Variants in KRTCAP3 observed in about 807,000 individuals in gnomAD.
The protein encoded by KRTCAP3 is keratinocyte associated protein 3.
In KRTCAP3, 18 loss-of-function variants were observed where a neutral mutation model predicts 20.5. The ratio of observed to expected loss-of-function variants is 0.88; its 90% CI spans 0.61 to 1.31. The LOEUF (loss-of-function observed/expected upper bound fraction) is 1.31. KRTCAP3 is among the 50% of genes most tolerant of loss of function. The pLI, the probability that KRTCAP3 is intolerant of heterozygous loss-of-function variation, is 0.00. For synonymous variants in KRTCAP3, 167 were observed against 133.7 expected, an observed-to-expected ratio of 1.25 and a Z score of -1.72; for missense variants, 347 against 310.4, an observed-to-expected ratio of 1.12 and a Z score of -0.89.
At position 27,442,444 on chromosome 2, in the gene KRTCAP3, A is replaced by G; in HGVS notation, c.28+4A>G. Reference sequence around the variant, plus strand: ...CGCTGCAGTCTCTGCGCTTTCGGTAACTTCCGGGCCCTGGCGTCTCGTCTC... The same window carrying G: ...CGCTGCAGTCTCTGCGCTTTCGGTAGCTTCCGGGCCCTGGCGTCTCGTCTC... On this transcript the variant is annotated splice_donor_region_variant and intron_variant, in intron 1 of 6. Transcript: ENST00000288873. The G allele has an allele frequency of 6.4e-7, 1 of 1,569,862 alleles. No individual in the cohort carries two copies. The highest frequency in any genetic ancestry group is 8.6e-7 in the Non-Finnish European group (1 of 1,158,204).
downstream of KRTCAP3, chr2:27,446,308 C>A (rs1474681289): frequency 3.7e-6 from 6 of 1,614,244 alleles, no homozygotes; most frequent in Non-Finnish European, 5.1e-6. Flanking sequence ...CAGGTAGTAG[C>A]TGGGTGTGAC....
chr2:27,442,544 C>T (rs1664667103), intron 1 of KRTCAP3, 35 bp from the exon 2 acceptor site: 1 of 1,532,418 alleles, frequency 6.5e-7, no homozygotes, highest in Admixed American at 2.1e-5. Flanking sequence ...CCCCTCCCCG[C>T]CCGACTCAAC....
downstream of KRTCAP3, chr2:27,445,342 T>C (rs759639938): frequency 1.2e-6 from 2 of 1,613,288 alleles, no homozygotes; most frequent in South Asian, 2.2e-5. The surrounding 1 kb of genome is among the most constrained non-coding windows in gnomAD (Gnocchi z 4.4). Flanking sequence ...TCGCTGCCAC[T>C]AGGGAGGCCT....
chr2:27,445,625 T>G, downstream of KRTCAP3: 1 of 1,374,538 alleles, frequency 7.3e-7, no homozygotes, highest in Non-Finnish European at 1.0e-6. This position sits in a 1 kb window ranked among gnomAD's most constrained non-coding sequence, Gnocchi z 4.4. Flanking sequence ...TTGCTTCTAC[T>G]TTCACTGAAA....
chr2:27,443,088 G>A lies in KRTCAP3; in HGVS notation c.288G>A (p.Leu96=). 1 of 1,613,804 alleles carries A rather than the reference G, an allele frequency of 6.2e-7. No homozygotes were observed. Among genetic ancestry groups the A allele is most frequent in the Non-Finnish European group, 8.5e-7 (1 of 1,179,996 alleles). Residue 96 remains leucine, a synonymous_variant, in exon 4 of 7, where the codon CTG becomes CTA. Coordinates refer to ENST00000288873, the MANE Select transcript of KRTCAP3 (RefSeq NM_173853.4). ...GTCCCTGCCAGCACTGGGTCCTGCT[G>A]GCACTAGCTCTGGTGAACCTGCTCT... ...LLRPPLHWVL[L]ALALVNLLLS...
chr2:27,443,855 AAC>A lies in KRTCAP3; in HGVS notation c.616-92_616-91del, dbSNP rs1439079824. 7.2e-5 allele frequency: 56 copies of A among 783,184 alleles called. No individual in the cohort carries two copies. The East Asian group carries it at 1.2e-3, about 17-fold the overall frequency. The allele number at this position is 783,184 out of a possible 1,614,324, so 48.5% of individuals were successfully genotyped here. ...CACGCCACTGCACTCCAGCCTGGGC[AAC>A]AGAGTGAGGCTCCGTCACAAAAAAC... On this transcript the variant is annotated intron_variant, in intron 5 of 6. Coordinates refer to ENST00000288873, the MANE Select transcript of KRTCAP3 (RefSeq NM_173853.4).
At position 27,443,498 on chromosome 2, in the gene KRTCAP3, T is replaced by C. The variant is rs1664748282; in HGVS notation, c.581T>C (p.Val194Ala). ...GTGGCTGCACTCACTCTACGTGGAG[T>C]TGGGCCCTGCAGGAAGGACGGACTT... is the stretch of plus-strand genomic sequence containing the variant. ...CCVAALTLRG[V>A]GPCRKDGLQG... The change falls in exon 5 of 7, where the codon GTT (valine) becomes GCT (alanine). Residue 194 changes from valine to alanine, a missense_variant. Physicochemically the swap from Val to Ala is moderately conservative, Grantham distance 64 (BLOSUM62 0). Coordinates refer to ENST00000288873, the MANE Select transcript of KRTCAP3 (RefSeq NM_173853.4). 2 of 1,613,908 alleles carry C rather than the reference T, an allele frequency of 1.2e-6. No individual in the cohort carries two copies. Among genetic ancestry groups the C allele is most frequent in the Non-Finnish European group, 1.7e-6 (2 of 1,179,986 alleles).
chr2:27,445,970 T>C (rs748974533), downstream of KRTCAP3: 1 of 1,614,236 alleles, frequency 6.2e-7, no homozygotes, highest in Non-Finnish European at 8.5e-7. This position sits in a 1 kb window ranked among gnomAD's most constrained non-coding sequence, Gnocchi z 4.4. Flanking sequence ...ATGAATGCCA[T>C]GTTATCCCAG....
Position 27,442,617 on chromosome 2 carries a change from C to T in KRTCAP3, c.67C>T (p.Leu23Phe), listed in dbSNP as rs1263537999. The T allele has an allele frequency of 1.3e-6, 2 of 1,568,564 alleles. No individual in the cohort carries two copies. The highest frequency in any genetic ancestry group is 1.2e-5 in the South Asian group (1 of 83,624). Residue 23 changes from leucine to phenylalanine, a missense_variant, in exon 2 of 7, where the codon CTC becomes TTC. Transcript: ENST00000288873. Reference protein sequence around the residue: ...RGPRRLMRVGLALILVGHVNL... With the variant: ...RGPRRLMRVGFALILVGHVNL... The stretch of plus-strand genomic sequence containing the variant: ...GCCCAGGCGGCTGATGCGTGTGGGC[C>T]TCGCGCTGATCTTGGTGGGCCACGT...
At chr2:27,445,420 C>G (rs1664978966), downstream of KRTCAP3, 2 of 1,611,842 alleles carry the variant, frequency 1.2e-6, no homozygotes, top group Middle Eastern at 1.7e-4. This position sits in a 1 kb window ranked among gnomAD's most constrained non-coding sequence, Gnocchi z 4.4. Context: ...CTGTAAGCAC[C>G]CAGTCTCGAA....
downstream of KRTCAP3, among the ~76,000 whole-genome samples, chr2:27,444,692 G>T (rs1247735072): frequency 6.6e-6 from 1 of 152,138 alleles, no homozygotes; most frequent in Non-Finnish European, 1.5e-5. Context: ...TTGTCGCCCA[G>T]GCTGGAGTGC....
At chr2:27,444,388 A>G (rs1446884696), downstream of KRTCAP3, 1 of 1,271,802 alleles carries the variant, frequency 7.9e-7, no homozygotes, top group Non-Finnish European at 1.1e-6. Flanking sequence ...TATTTATAAA[A>G]CTTTAATGAG....
In KRTCAP3 at chr2:27,442,584, G is replaced by A; in HGVS notation, c.34G>A (p.Ala12Thr). Residue 12 changes from alanine (A) to threonine (T), a missense_variant, in exon 2 of 7, where the codon GCC (alanine) becomes ACC (threonine). Ala to Thr is a moderately conservative substitution (Grantham distance 58). Transcript: ENST00000288873. ...CCCTCCCCCGTGCTTTGCAGACGCCGCCCGGGGGCCCAGGCGGCTGATGCG... is the reference window on the plus strand; with the variant it reads ...CCCTCCCCCGTGCTTTGCAGACGCCACCCGGGGGCCCAGGCGGCTGATGCG... ...RRCSLCAFDAARGPRRLMRVG... is the reference protein window; with the variant it reads ...RRCSLCAFDATRGPRRLMRVG... 1.3e-6 allele frequency: 2 copies of A among 1,527,206 alleles called. No individual in the cohort carries two copies. The highest frequency in any genetic ancestry group is 8.8e-7 in the Non-Finnish European group (1 of 1,139,244). 94.6% of individuals were successfully genotyped at this position (1,527,206 alleles called of 1,614,324 possible).
At chr2:27,442,814 C>T (rs767316976) in intron 2 of KRTCAP3, 28 bp from the exon 3 acceptor site, 2 of 1,611,480 alleles carry the variant, frequency 1.2e-6, no homozygotes, top group South Asian at 1.1e-5. Context: ...GAGAGCCCAG[C>T]AGGCCAAAGG....
downstream of KRTCAP3, chr2:27,446,054 C>G (rs1163863186): frequency 6.3e-7 from 1 of 1,587,884 alleles, no homozygotes; most frequent in Non-Finnish European, 8.6e-7. Flanking sequence ...TCTCTGGGAT[C>G]CAGATGCAAA....
At chr2:27,443,002 A>G (rs1190834645) in intron 3 of KRTCAP3, 72 bp from the exon 4 acceptor site, 4 of 1,571,382 alleles carry the variant, frequency 2.5e-6, no homozygotes, top group East Asian at 4.5e-5. Flanking sequence ...AGCCTCAGAG[A>G]AACTGGGTGT....
downstream of KRTCAP3, chr2:27,445,101 G>A: frequency 1.2e-6 from 2 of 1,614,032 alleles, no homozygotes; most frequent in Non-Finnish European, 1.7e-6. This position sits in a 1 kb window ranked among gnomAD's most constrained non-coding sequence, Gnocchi z 4.4. Context: ...TCAGAATGGG[G>A]TATCCTGTGG....
At chr2:27,445,445 GCCT>G, downstream of KRTCAP3, 3 of 1,610,246 alleles carry the variant, frequency 1.9e-6, no homozygotes, top group Non-Finnish European at 2.5e-6. The surrounding 1 kb of genome is among the most constrained non-coding windows in gnomAD (Gnocchi z 4.4). Flanking sequence ...TTCTCTCTCA[GCCT>G]CCTGGAAAGG....
At position 27,443,146 on chromosome 2, in the gene KRTCAP3, G is replaced by A; in HGVS notation, c.346G>A (p.Ala116Thr). ...SVACSLGLLL[A>T]VSLTVANGGR... ...TGCCTGCTCCCTGGGCCTCCTTCTT[G>A]CTGTGTCACTCACTGTGGCCAACGG... is the stretch of plus-strand genomic sequence containing the variant. Residue 116 changes from alanine (A) to threonine (T), a missense_variant, in exon 4 of 7, where the codon GCT (alanine) becomes ACT (threonine). Coordinates refer to ENST00000288873, the MANE Select transcript of KRTCAP3 (RefSeq NM_173853.4). 1 of 1,614,158 alleles carries A rather than the reference G, an allele frequency of 6.2e-7. No homozygotes were observed. The highest frequency in any genetic ancestry group is 8.5e-7 in the Non-Finnish European group (1 of 1,180,022).
Sources: allele counts gnomAD v4.1 joint callset (sites outside exome capture counted in the v4.1 genomes callset), GRCh38; gene constraint gnomAD v4.1.1; non-coding constraint Gnocchi (gnomAD v3.1); transcripts MANE v1.5; gene names NCBI Gene and HGNC (gene_info 2026-07-23, HGNC 2026-07-21).